The following NLRC5 variants were observed in gnomAD, a reference collection of about 807,000 sequenced individuals.
The protein encoded by NLRC5 is NLR family CARD domain containing 5.
Under a neutral mutation model 206.9 loss-of-function variants are expected in NLRC5, and 114 were observed. The ratio of observed to expected loss-of-function variants is 0.55; its 90% CI spans 0.47 to 0.64. NLRC5 has a LOEUF of 0.64. Ranked by LOEUF, NLRC5 falls within the 30% of genes least tolerant of loss-of-function variation. NLRC5 has a pLI of 0.00. For missense variants in NLRC5, 2,008 were observed against 2,305.5 expected, an observed-to-expected ratio of 0.87 and a Z score of 2.64; for synonymous variants, 952 against 962.8, an observed-to-expected ratio of 0.99 and a Z score of 0.21.
At chr16:57,047,987 G>T (rs145533837) in intron 23 of NLRC5, 14 of 250,062 alleles carry the variant, frequency 5.6e-5, no homozygotes, top group Non-Finnish European at 7.9e-5. Flanking sequence ...ACTTCTGAAA[G>T]CCCTTCCTCA....
intron 15 of NLRC5, 96 bp downstream of exon 15, chr16:57,037,380 G>A: frequency 8.9e-7 from 1 of 1,118,554 alleles, no homozygotes; most frequent in Middle Eastern, 2.0e-4. Context: ...CTTGGGACGG[G>A]CAGAAGATGC....
chr16:57,044,514 G>A (rs2063698008), intron 20 of NLRC5, among the ~76,000 whole-genome samples: 1 of 152,090 alleles, frequency 6.6e-6, no homozygotes. Context: ...AGAATGGGAG[G>A]TGCCACAGCA....
chr16:57,032,852 G>T lies in NLRC5; in HGVS notation c.2478-752G>T, dbSNP rs553873448. Among the ~76,000 whole-genome samples, 394 of 143,372 alleles carry T rather than the reference G, an allele frequency of 2.7e-3. 3 individuals carry two copies. The highest frequency in any genetic ancestry group is 4.9e-3 in the Non-Finnish European group (321 of 65,196). 94.1% of individuals were successfully genotyped at this position (143,372 alleles called of 152,430 possible). A position where few individuals can be genotyped will look rare whatever the true frequency, so the allele number is the denominator to read the frequency against. ...TCTCTACAAAAAAAAAAAAAAAATA[G>T]CTGGGCATGGTGATTCACTCCTATA... On this transcript the variant is annotated intron_variant, in intron 11 of 48. Transcript: ENST00000688547.
In NLRC5 at chr16:57,025,974, C is replaced by T. The variant is rs780713848; in HGVS notation, c.1031C>T (p.Ala344Val). 1 of 1,614,048 alleles carries T rather than the reference C, an allele frequency of 6.2e-7. No homozygotes were observed. The highest frequency in any genetic ancestry group is 2.2e-5 in the East Asian group (1 of 44,880). Reference sequence around the variant, plus strand: ...CTCCTGCCTGGCTGCCGGGTGATGGCTACCTCCCGTCCAGGGAAGCTGCCT... The same window carrying T: ...CTCCTGCCTGGCTGCCGGGTGATGGTTACCTCCCGTCCAGGGAAGCTGCCT... ...GTLLPGCRVM[A>V]TSRPGKLPAC... The change falls in exon 6 of 49, where the codon GCT becomes GTT. Residue 344 changes from alanine (A) to valine (V), a missense_variant. Transcript: ENST00000688547.
At chr16:57,027,623 A>C (rs1287701371) in intron 6 of NLRC5, among the ~76,000 whole-genome samples, 45 of 135,834 alleles carry the variant, frequency 3.3e-4, no homozygotes, top group African/African-American at 1.1e-3. Context: ...GCAGTCATGC[A>C]GGTACCCAGG....
chr16:57,065,835 G>A (rs1352873404), intron 33 of NLRC5, among the ~76,000 whole-genome samples: 1 of 152,190 alleles, frequency 6.6e-6, no homozygotes, highest in African/African-American at 2.4e-5. Flanking sequence ...GATGTCTGCT[G>A]TACTGTCACC....
chr16:57,019,374 G>A (rs970488770), intron 2 of NLRC5, among the ~76,000 whole-genome samples: 4 of 151,996 alleles, frequency 2.6e-5, no homozygotes, highest in Non-Finnish European at 4.4e-5. Flanking sequence ...TCCAGCCTGG[G>A]TGACAGAGCG....
chr16:57,060,163 T>C (rs2066258039), intron 30 of NLRC5, among the ~76,000 whole-genome samples: 1 of 151,796 alleles, frequency 6.6e-6, no homozygotes, highest in South Asian at 2.1e-4. Context: ...CTGCATCTTA[T>C]CAGGCCTCCT....
chr16:57,079,047 C>T lies in NLRC5; in HGVS notation c.5082-3C>T. On this transcript the variant is annotated splice_region_variant and splice_polypyrimidine_tract_variant and intron_variant, in intron 43 of 48. Coordinates refer to ENST00000688547, the MANE Select transcript of NLRC5 (RefSeq NM_001384950.1). ...CTCCTCTCACCCTCTCCTCTTTCCC[C>T]AGCCTACCATTCAGCCATCTGGGCC... 6.2e-7 allele frequency: 1 copy of T among 1,613,766 alleles called. No homozygotes were observed. The highest frequency in any genetic ancestry group is 8.5e-7 in the Non-Finnish European group (1 of 1,179,720).
chr16:57,031,049 G>A (rs1374129518), intron 10 of NLRC5, among the ~76,000 whole-genome samples: 1 of 151,768 alleles, frequency 6.6e-6, no homozygotes, highest in African/African-American at 2.4e-5. Flanking sequence ...GCAGTGAGGT[G>A]TGAACACACC....
In NLRC5 at chr16:57,025,543, G is replaced by A. The variant is rs754024406; in HGVS notation, c.600G>A (p.Lys200=). 6.2e-7 allele frequency: 1 copy of A among 1,613,732 alleles called. No individual in the cohort carries two copies. Among genetic ancestry groups the A allele is most frequent in the East Asian group, 2.2e-5 (1 of 44,844 alleles). Residue 200 remains lysine, a synonymous_variant, in exon 6 of 49, where the codon AAG becomes AAA. Coordinates refer to ENST00000688547, the MANE Select transcript of NLRC5 (RefSeq NM_001384950.1). The part of the protein sequence containing the change: ...TPEGAIMGDV[K]VEDGADVSIS... ...AGGGGGCCATTATGGGGGACGTCAA[G>A]GTGGAAGATGGTGCTGACGTGAGCA...
intron 19 of NLRC5, 42 bp downstream of exon 19, chr16:57,042,107 G>A (rs759212122): frequency 9.9e-6 from 13 of 1,308,692 alleles, no homozygotes; most frequent in South Asian, 4.6e-5. Context: ...CTGGGGCAGG[G>A]GGGGAGCATT....
At chr16:57,065,773 A>G (rs2067013183) in intron 33 of NLRC5, among the ~76,000 whole-genome samples, 1 of 152,192 alleles carries the variant, frequency 6.6e-6, no homozygotes, top group South Asian at 2.1e-4. Context: ...AAAAGAGTCT[A>G]ATTACGGCCC....
Position 57,082,727 on chromosome 16 carries a change from G to GC in NLRC5, c.*199_*200insC. 1.8e-6 allele frequency: 1 copy of GC among 543,854 alleles called. No homozygotes were observed. The highest frequency in any genetic ancestry group is 3.3e-6 in the Non-Finnish European group (1 of 305,852). 33.7% of individuals were successfully genotyped at this position (543,854 alleles called of 1,614,324 possible). A position where few individuals can be genotyped will look rare whatever the true frequency, so the allele number is the denominator to read the frequency against. On this transcript the variant is annotated 3_prime_UTR_variant, in exon 49 of 49. Transcript: ENST00000688547. Reference sequence around the variant, plus strand: ...AACCAGGAGCTGGGTCTGGACAAAGGAGTACCCTGCATTACGTGGGATATG... The same window carrying GC: ...AACCAGGAGCTGGGTCTGGACAAAGGCAGTACCCTGCATTACGTGGGATATG...
intron 27 of NLRC5, among the ~76,000 whole-genome samples, chr16:57,056,569 C>T (rs192722886): frequency 2.0e-5 from 3 of 152,232 alleles, no homozygotes; most frequent in Non-Finnish European, 4.4e-5. Flanking sequence ...AGGCATGAGC[C>T]GCTGTGCTTG....
chr16:57,021,902 G>A (rs963769451), intron 3 of NLRC5, among the ~76,000 whole-genome samples: 5 of 152,250 alleles, frequency 3.3e-5, no homozygotes, highest in Non-Finnish European at 7.4e-5. Flanking sequence ...GCGGGGCGGC[G>A]CATGCACATA....
chr16:57,010,903 TA>T (rs780913523), intron 1 of NLRC5, among the ~76,000 whole-genome samples: 62 of 152,008 alleles, frequency 4.1e-4, no homozygotes, highest in African/African-American at 1.3e-3. Flanking sequence ...TGGCTTTTTT[TA>T]AAAAAAAATC....
chr16:57,028,174 C>A lies in NLRC5; in HGVS notation c.2159+19C>A, dbSNP rs765591746. Reference sequence around the variant, plus strand: ...TGCTGGGGTGAGCCAGGCCTTGGAGCTGAGAAGGGTCTTCAGCTGGGGATG... The same window carrying A: ...TGCTGGGGTGAGCCAGGCCTTGGAGATGAGAAGGGTCTTCAGCTGGGGATG... On this transcript the variant is annotated intron_variant, in intron 7 of 48. Transcript: ENST00000688547. The A allele has an allele frequency of 1.9e-6, 3 of 1,607,362 alleles. No homozygotes were observed. Among genetic ancestry groups the A allele is most frequent in the Non-Finnish European group, 2.6e-6 (3 of 1,174,494 alleles).
intron 34 of NLRC5, 123 bp from the exon 35 acceptor site, chr16:57,067,264 C>T: frequency 7.5e-6 from 6 of 798,056 alleles, no homozygotes; most frequent in Non-Finnish European, 1.3e-5. Context: ...GAATAGCAAA[C>T]TGTAGGACTT....
Sources: gnomAD v4.1 joint callset for allele counts (sites outside exome capture counted in the v4.1 genomes callset) on GRCh38, gnomAD v4.1.1 for gene constraint, MANE v1.5 for transcripts, NCBI Gene and HGNC (gene_info 2026-07-23, HGNC 2026-07-21) for gene names.